FAM135A: variants seen among roughly 807,000 people sequenced by gnomAD.
FAM135A encodes the protein protein FAM135A.
In FAM135A, 79 loss-of-function variants were observed where a neutral mutation model predicts 146.8. That is an observed-to-expected ratio of 0.54 (90% CI 0.45 to 0.65). The LOEUF (loss-of-function observed/expected upper bound fraction) is 0.65. Ranked by LOEUF, FAM135A falls within the 30% of genes least tolerant of loss-of-function variation. The pLI, the probability that FAM135A is intolerant of heterozygous loss-of-function variation, is 0.00. For missense variants in FAM135A, 1,623 were observed against 1,758.2 expected, an observed-to-expected ratio of 0.92 and a Z score of 1.38; for synonymous variants, 562 against 603.6, an observed-to-expected ratio of 0.93 and a Z score of 1.01.
At chr6:70,443,675 A>G (rs769825581) in intron 4 of FAM135A, among the ~76,000 whole-genome samples, 1 of 152,254 alleles carries the variant, frequency 6.6e-6, no homozygotes, top group Non-Finnish European at 1.5e-5. Context: ...TTAAAATTAT[A>G]AGTGAAAGTG....
intron 12 of FAM135A, chr6:70,503,588 A>G (rs748307271): frequency 5.9e-5 from 9 of 152,164 alleles, no homozygotes; most frequent in Non-Finnish European, 8.8e-5. Flanking sequence ...TTCTCTCTGT[A>G]TCTTTTCCAA....
intron 11 of FAM135A, among the ~76,000 whole-genome samples, chr6:70,493,774 C>G (rs530149251): frequency 1.3e-5 from 2 of 152,100 alleles, no homozygotes; most frequent in East Asian, 1.9e-4. Context: ...TGTTTTTGGC[C>G]GGGTGCGGTG....
Position 70,448,284 on chromosome 6 carries a change from G to A in FAM135A, c.78-4208G>A, listed in dbSNP as rs535448753. 3.9e-5 allele frequency among the ~76,000 whole-genome samples: 6 copies of A among 152,250 alleles called. No individual in the cohort carries two copies. In the East Asian group the frequency reaches 1.2e-3, roughly 29 times the overall value. On this transcript the variant is annotated intron_variant, in intron 4 of 21. Transcript: ENST00000418814. ...CTCTCCCTCCTTTGCCGCTTTAGCT[G>A]GCAAACAAACCTGCTCTGTAACCTC...
intron 4 of FAM135A, among the ~76,000 whole-genome samples, chr6:70,451,683 C>T (rs1418410926): frequency 6.6e-6 from 1 of 152,034 alleles, no homozygotes; most frequent in Admixed American, 6.5e-5. Flanking sequence ...TAATCTTTGC[C>T]TTATTTGCAA....
intron 2 of FAM135A, among the ~76,000 whole-genome samples, chr6:70,423,338 A>T (rs779302478): frequency 6.6e-6 from 1 of 152,212 alleles, no homozygotes; most frequent in African/African-American, 2.4e-5. Context: ...TTTTGAAAAT[A>T]GCCTGAAGAG....
rs375688242 is a variant in FAM135A at position 70,559,960 on chromosome 6, C to G, written c.*39C>G. On this transcript the variant is annotated 3_prime_UTR_variant, in exon 22 of 22. Transcript: ENST00000418814. ...TTAGCGACTGGACAATTACCTCATT[C>G]AACAATGTTTCAAATAATGTATTAT... is the stretch of plus-strand genomic sequence containing the variant. 1.4e-4 allele frequency: 206 copies of G among 1,466,136 alleles called. 1 individual carries two copies. In the Middle Eastern group the frequency reaches 7.0e-3, roughly 50 times the overall value. The allele number at this position is 1,466,136 out of a possible 1,614,324, so 90.8% of individuals were successfully genotyped here.
intron 20 of FAM135A, among the ~76,000 whole-genome samples, chr6:70,543,443 A>G (rs952480939): frequency 1.3e-5 from 2 of 152,218 alleles, no homozygotes; most frequent in Non-Finnish European, 2.9e-5. Flanking sequence ...TGATTATTAC[A>G]TGTACTGTCT....
intron 11 of FAM135A, among the ~76,000 whole-genome samples, chr6:70,493,679 A>C (rs746484035): frequency 1.3e-5 from 2 of 152,224 alleles, no homozygotes; most frequent in Non-Finnish European, 2.9e-5. Flanking sequence ...TAATATTGTA[A>C]AAATGTTTAA....
chr6:70,536,511 C>A (rs1796822574), intron 19 of FAM135A, 100 bp downstream of exon 19: 2 of 964,302 alleles, frequency 2.1e-6, no homozygotes, highest in African/African-American at 3.4e-5. Context: ...TTGTCACATA[C>A]TGGAAATTTC....
intron 20 of FAM135A, 102 bp from the exon 21 acceptor site, chr6:70,556,648 A>G (rs1015645256): frequency 1.8e-4 from 119 of 679,670 alleles, no homozygotes; most frequent in Non-Finnish European, 7.4e-5. Context: ...GAAACTTAGT[A>G]CTGCTAAGGA....
intron 5 of FAM135A, among the ~76,000 whole-genome samples, chr6:70,470,685 A>T (rs1209489945): frequency 6.6e-6 from 1 of 152,138 alleles, no homozygotes; most frequent in Non-Finnish European, 1.5e-5. Context: ...ACATAGATCA[A>T]CCCTGGTCCT....
chr6:70,555,163 G>A (rs1800590895), intron 20 of FAM135A, among the ~76,000 whole-genome samples: 1 of 152,160 alleles, frequency 6.6e-6, no homozygotes, highest in Admixed American at 6.5e-5. Context: ...ATCTGAAGTA[G>A]ATTGGAGAGA....
At chr6:70,532,684 G>C (rs1796047854) in intron 16 of FAM135A, among the ~76,000 whole-genome samples, 2 of 152,176 alleles carry the variant, frequency 1.3e-5, no homozygotes, top group Non-Finnish European at 2.9e-5. Context: ...TATAATCCCA[G>C]CACTTTGGGA....
chr6:70,481,937 C>T, intron 9 of FAM135A, 64 bp from the exon 10 acceptor site: 17 of 1,433,814 alleles, frequency 1.2e-5, no homozygotes, highest in South Asian at 6.3e-5. Context: ...TTTATTTTTC[C>T]AAGTTTCACA....
intron 4 of FAM135A, among the ~76,000 whole-genome samples, chr6:70,430,371 T>C (rs1771292279): frequency 6.6e-6 from 1 of 151,246 alleles, no homozygotes; most frequent in African/African-American, 2.4e-5. Flanking sequence ...GAGCAGAAGA[T>C]GCAAGTCTCC....
At chr6:70,414,177 CCT>C (rs1766972237) in intron 1 of FAM135A, among the ~76,000 whole-genome samples, 1 of 152,188 alleles carries the variant, frequency 6.6e-6, no homozygotes, top group Admixed American at 6.5e-5. Flanking sequence ...CTGGCTCTTC[CCT>C]GTCCGGAGCT....
intron 20 of FAM135A, among the ~76,000 whole-genome samples, chr6:70,552,064 G>C (rs1291659313): frequency 2.0e-5 from 3 of 152,114 alleles, no homozygotes; most frequent in African/African-American, 7.2e-5. Flanking sequence ...GCAAAGTATA[G>C]TTAAACAAGG....
intron 4 of FAM135A, among the ~76,000 whole-genome samples, chr6:70,435,789 G>C (rs1772972997): frequency 6.6e-6 from 1 of 152,192 alleles, no homozygotes; most frequent in Non-Finnish European, 1.5e-5. Flanking sequence ...TATCAGCTAA[G>C]AGTCAGAAAT....
At chr6:70,527,856 C>T (rs925678898) in intron 15 of FAM135A, among the ~76,000 whole-genome samples, 4 of 152,114 alleles carry the variant, frequency 2.6e-5, no homozygotes, top group Non-Finnish European at 5.9e-5. Context: ...CTCACTGTTA[C>T]ATTTTGTAAA....
Sources: allele counts gnomAD v4.1 joint callset (sites outside exome capture counted in the v4.1 genomes callset), GRCh38; gene constraint gnomAD v4.1.1; transcripts MANE v1.5; gene names NCBI Gene and HGNC (gene_info 2026-07-23, HGNC 2026-07-21).